Variants in NEO1 observed in about 807,000 individuals in gnomAD.
NEO1 encodes neogenin.
NEO1 carries 63 observed loss-of-function variants against 159.7 expected under a neutral mutation model. That is an observed-to-expected ratio of 0.39 (90% confidence interval 0.32 to 0.49). The LOEUF (loss-of-function observed/expected upper bound fraction) is 0.49, where lower values mean the gene tolerates loss of function less well. Ranked by LOEUF, NEO1 falls within the 20% of genes least tolerant of loss-of-function variation. The probability of loss-of-function intolerance (pLI) is 0.85; values close to 1 mark genes in which losing one functional copy is unlikely to be tolerated. For synonymous variants in NEO1, 633 were observed against 662.0 expected, an observed-to-expected ratio of 0.96 and a Z score of 0.67; for missense variants, 1,615 against 1,831.0, an observed-to-expected ratio of 0.88 and a Z score of 2.15.
chr15:73,259,525 CT>C (rs2040524430), intron 14 of NEO1, among the ~76,000 whole-genome samples: 1 of 151,934 alleles, frequency 6.6e-6, no homozygotes, highest in Admixed American at 6.6e-5. Flanking sequence ...ACACACTTAG[CT>C]ATTTTTTTTT....
intron 1 of NEO1, among the ~76,000 whole-genome samples, chr15:73,065,761 G>A (rs926037456): frequency 1.3e-5 from 2 of 152,016 alleles, no homozygotes; most frequent in Non-Finnish European, 2.9e-5. Flanking sequence ...GAGAGTTCTT[G>A]GCTTGGCTGT....
In NEO1 at chr15:73,300,890, G is replaced by C. The variant is rs117055223; in HGVS notation, c.4166-431G>C. 4.9e-3 allele frequency among the ~76,000 whole-genome samples: 753 copies of C among 152,254 alleles called. 11 individuals carry two copies. In the East Asian group the frequency reaches 0.05, roughly 10 times the overall value. Reference sequence around the variant, plus strand: ...TGAAACTGGCTTTTTTAAACTGCACGTGCGTGTCAGTGAATGGCTTTACAG... The same window carrying C: ...TGAAACTGGCTTTTTTAAACTGCACCTGCGTGTCAGTGAATGGCTTTACAG... On this transcript the variant is annotated intron_variant, in intron 27 of 28. Transcript: ENST00000261908.
intron 3 of NEO1, among the ~76,000 whole-genome samples, chr15:73,125,915 A>C (rs536616555): frequency 6.6e-6 from 1 of 152,100 alleles, no homozygotes; most frequent in Non-Finnish European, 1.5e-5. Context: ...GGAGAATGCC[A>C]TGGGTCCTGA....
intron 1 of NEO1, among the ~76,000 whole-genome samples, chr15:73,056,410 C>T (rs2067698737): frequency 6.6e-6 from 1 of 152,208 alleles, no homozygotes; most frequent in South Asian, 2.1e-4. Flanking sequence ...TTTTCATCTT[C>T]TGTTACTTAT....
At chr15:73,190,392 T>C (rs953732174) in intron 7 of NEO1, among the ~76,000 whole-genome samples, 3 of 152,264 alleles carry the variant, frequency 2.0e-5, no homozygotes, top group Middle Eastern at 3.4e-3. Context: ...CATCAACTTG[T>C]TTTTAGTAAA....
intron 5 of NEO1, among the ~76,000 whole-genome samples, chr15:73,148,998 AT>A: frequency 1.3e-5 from 2 of 151,916 alleles, no homozygotes; most frequent in South Asian, 2.1e-4. Flanking sequence ...CCTTGTTTAG[AT>A]TTTTTTCTTG....
intron 25 of NEO1, among the ~76,000 whole-genome samples, chr15:73,292,708 T>A (rs950716546): frequency 1.3e-5 from 2 of 152,226 alleles, no homozygotes; most frequent in African/African-American, 4.8e-5. Context: ...TGCAGATGGG[T>A]ATGTCTGAGT....
At position 73,249,690 on chromosome 15, in the gene NEO1, A is replaced by G. The variant is rs1281650240; in HGVS notation, c.1863A>G (p.Thr621=). 6.2e-7 allele frequency: 1 copy of G among 1,612,872 alleles called. No homozygotes were observed. Among genetic ancestry groups the G allele is most frequent in the Non-Finnish European group, 8.5e-7 (1 of 1,179,708 alleles). The change falls in exon 11 of 29, where the codon ACA becomes ACG. Residue 621 remains threonine, a synonymous_variant. Transcript: ENST00000261908. ...AYNKHGPGVS[T]PDVAVRTLSD... is the part of the protein sequence containing the mutation. Reference sequence around the variant, plus strand: ...ATAAACATGGTCCTGGAGTTTCCACACCAGATGTTGCTGTTCGAACATTGT... The same window carrying G: ...ATAAACATGGTCCTGGAGTTTCCACGCCAGATGTTGCTGTTCGAACATTGT...
At chr15:73,186,336 G>A (rs569009428) in intron 7 of NEO1, among the ~76,000 whole-genome samples, 1 of 151,204 alleles carries the variant, frequency 6.6e-6, no homozygotes, top group African/African-American at 2.4e-5. Context: ...TAAAAAAAAA[G>A]GCAACCAAAA....
chr15:73,135,938 A>G lies in NEO1; in HGVS notation c.926A>G (p.Asp309Gly), dbSNP rs1422250915. Reference protein sequence around the residue: ...LLAGGSLEISDVTEDDAGTYF... With the variant: ...LLAGGSLEISGVTEDDAGTYF... ...GCAGGTGGTAGCCTGGAGATCAGTG[A>G]TGTTACTGAGGATGATGCTGGGACT... Residue 309 changes from aspartate to glycine, a missense_variant, in exon 5 of 29, where the codon GAT (aspartate) becomes GGT (glycine). Around this residue, in one of 3 missense-constraint regions of NEO1, gnomAD observed 1,018 missense variants for 1,115.4 expected, o/e 0.91. Transcript: ENST00000261908. The G allele has an allele frequency of 3.1e-6, 5 of 1,601,128 alleles. No individual in the cohort carries two copies. The highest frequency in any genetic ancestry group is 4.2e-6 in the Non-Finnish European group (5 of 1,176,484).
chr15:73,258,663 A>G (rs1435193183), intron 13 of NEO1, 103 bp from the exon 14 acceptor site: 1 of 912,026 alleles, frequency 1.1e-6, no homozygotes, highest in South Asian at 1.5e-5. Context: ...GCCAAGCTAT[A>G]TACTGAGTTG....
At chr15:73,191,627 G>C (rs1398438298) in intron 7 of NEO1, among the ~76,000 whole-genome samples, 2 of 151,678 alleles carry the variant, frequency 1.3e-5, no homozygotes, top group African/African-American at 2.4e-5. Context: ...AGCAAAGTTT[G>C]AAGGTTTTTT....
intron 1 of NEO1, among the ~76,000 whole-genome samples, chr15:73,083,018 A>G (rs1371054246): frequency 3.9e-5 from 6 of 152,324 alleles, no homozygotes; most frequent in Admixed American, 3.9e-4. Context: ...AGTGCCTGGA[A>G]TGTAGTGAGA....
intron 13 of NEO1, among the ~76,000 whole-genome samples, chr15:73,258,248 A>C (rs1447655440): frequency 6.6e-6 from 1 of 152,174 alleles, no homozygotes; most frequent in African/African-American, 2.4e-5. Flanking sequence ...GTTGTTAAGG[A>C]ATAGATTTTG....
At chr15:73,167,111 A>C (rs1241446682) in intron 5 of NEO1, among the ~76,000 whole-genome samples, 2 of 123,550 alleles carry the variant, frequency 1.6e-5, no homozygotes, top group African/African-American at 3.1e-5. Context: ...AACATCACAC[A>C]CCAGGGCCTG....
At chr15:73,175,195 A>T (rs1339333988) in intron 5 of NEO1, among the ~76,000 whole-genome samples, 1 of 152,194 alleles carries the variant, frequency 6.6e-6, no homozygotes, top group East Asian at 1.9e-4. Context: ...CCCAAACTGT[A>T]TTTACAGAGG....
chr15:73,158,223 T>C (rs1228512305), intron 5 of NEO1, among the ~76,000 whole-genome samples: 9 of 149,832 alleles, frequency 6.0e-5, no homozygotes, highest in Non-Finnish European at 1.2e-4. Flanking sequence ...TTTTTTTTTT[T>C]TTTTTTTTTT....
At chr15:73,175,493 A>C (rs190187642) in intron 5 of NEO1, among the ~76,000 whole-genome samples, 3 of 152,234 alleles carry the variant, frequency 2.0e-5, no homozygotes, top group Non-Finnish European at 2.9e-5. Flanking sequence ...TAAGACGTCA[A>C]GTTGCCACAA....
chr15:73,251,277 A>G (rs1204754694), intron 11 of NEO1, among the ~76,000 whole-genome samples: 1 of 152,048 alleles, frequency 6.6e-6, no homozygotes, highest in Non-Finnish European at 1.5e-5. Context: ...TTGGGAGGCC[A>G]AGTCGGGCAA....
Sources: allele counts gnomAD v4.1 joint callset (sites outside exome capture counted in the v4.1 genomes callset), GRCh38; gene constraint gnomAD v4.1.1; regional missense constraint gnomAD v4.1.1; transcripts MANE v1.5; gene names NCBI Gene and HGNC (gene_info 2026-07-23, HGNC 2026-07-21).